Variants in UNC5D observed in about 807,000 individuals in gnomAD.
UNC5D encodes netrin receptor UNC5D.
UNC5D carries 39 observed loss-of-function variants against 105.4 expected under a neutral mutation model. The observed-to-expected ratio is 0.37, with a 90% CI of 0.29 to 0.48. The LOEUF (loss-of-function observed/expected upper bound fraction) is 0.48, where lower values mean the gene tolerates loss of function less well. Among genes scored for constraint, UNC5D ranks in the 20% least tolerant of loss-of-function variants. UNC5D has a pLI of 0.98. For missense variants in UNC5D, 991 were observed against 1,202.4 expected, an observed-to-expected ratio of 0.82 and a Z score of 2.60; for synonymous variants, 452 against 450.4, an observed-to-expected ratio of 1.00 and a Z score of -0.04.
intron 1 of UNC5D, among the ~76,000 whole-genome samples, chr8:35,447,539 G>A (rs1343639563): frequency 6.6e-6 from 1 of 152,004 alleles, no homozygotes; most frequent in Non-Finnish European, 1.5e-5. Flanking sequence ...TTCTAAGCCT[G>A]TTTCTACAAG....
At chr8:35,526,429 C>A (rs753935345) in intron 1 of UNC5D, among the ~76,000 whole-genome samples, 1 of 152,122 alleles carries the variant, frequency 6.6e-6, no homozygotes, top group Non-Finnish European at 1.5e-5. Context: ...ACCTTGAAAG[C>A]CAGGCAGATT....
chr8:35,695,132 C>G (rs1420225765), intron 7 of UNC5D, among the ~76,000 whole-genome samples: 2 of 152,132 alleles, frequency 1.3e-5, no homozygotes, highest in Non-Finnish European at 2.9e-5. Flanking sequence ...TGTCCGCTGT[C>G]AAAAAGAGTT....
intron 11 of UNC5D, among the ~76,000 whole-genome samples, chr8:35,737,599 G>A (rs1244988013): frequency 1.3e-5 from 2 of 152,172 alleles, no homozygotes; most frequent in Non-Finnish European, 2.9e-5. Context: ...GCCACAGCAT[G>A]TGACCGTAAT....
intron 2 of UNC5D, among the ~76,000 whole-genome samples, chr8:35,564,823 C>G (rs1431884476): frequency 6.6e-6 from 1 of 152,116 alleles, no homozygotes; most frequent in African/African-American, 2.4e-5. Flanking sequence ...GCTTGGCTCC[C>G]AATTATATGT....
Position 35,785,172 on chromosome 8 carries a change from G to A in UNC5D, c.2658-5187G>A, listed in dbSNP as rs144979048. Among the ~76,000 whole-genome samples the A allele has an allele frequency of 9.1e-4, 138 of 151,860 alleles. 2 individuals carry two copies. Among genetic ancestry groups the A allele is most frequent in the African/African-American group, 3.2e-3 (134 of 41,318 alleles). ...TGAATGGTGTGTGCATTTACCTGCCGGTGCCCAAATGCACCAGCATTATGA... is the reference window on the plus strand; with the variant it reads ...TGAATGGTGTGTGCATTTACCTGCCAGTGCCCAAATGCACCAGCATTATGA... On this transcript the variant is annotated intron_variant, in intron 16 of 16. Coordinates refer to ENST00000404895, the MANE Select transcript of UNC5D (RefSeq NM_080872.4).
At chr8:35,441,871 C>T (rs1395355006) in intron 1 of UNC5D, among the ~76,000 whole-genome samples, 1 of 151,620 alleles carries the variant, frequency 6.6e-6, no homozygotes, top group Non-Finnish European at 1.5e-5. Context: ...GGACAACCAA[C>T]AAGAAGCAGA....
rs112701207 is a variant in UNC5D at position 35,280,727 on chromosome 8, C to G, written c.103+44840C>G. On this transcript the variant is annotated intron_variant, in intron 1 of 16. Coordinates refer to ENST00000404895, the MANE Select transcript of UNC5D (RefSeq NM_080872.4). ...CTAGTTTACTACTGCTGCCTCTTTT[C>G]ATTTCTATTGCCACCAGTTTAGCCT... Among the ~76,000 whole-genome samples, 588 of 152,268 alleles carry G rather than the reference C, an allele frequency of 3.9e-3. 6 individuals are homozygous for G. Among genetic ancestry groups the G allele is most frequent in the African/African-American group, 0.013 (554 of 41,552 alleles).
intron 1 of UNC5D, among the ~76,000 whole-genome samples, chr8:35,391,120 G>C (rs1803745068): frequency 6.6e-6 from 1 of 152,230 alleles, no homozygotes; most frequent in Non-Finnish European, 1.5e-5. Flanking sequence ...GGCATAGGAG[G>C]AACAGTCTTG....
intron 4 of UNC5D, among the ~76,000 whole-genome samples, chr8:35,620,563 G>A (rs1821306119): frequency 6.6e-6 from 1 of 152,130 alleles, no homozygotes; most frequent in Admixed American, 6.5e-5. Context: ...TTTACCCTGT[G>A]TGCCTGTGTG....
chr8:35,293,003 T>C (rs1220128899), intron 1 of UNC5D, among the ~76,000 whole-genome samples: 2 of 152,114 alleles, frequency 1.3e-5, no homozygotes, highest in South Asian at 2.1e-4. Context: ...ATTCTTACAA[T>C]ACAGTAAGAC....
intron 1 of UNC5D, among the ~76,000 whole-genome samples, chr8:35,426,993 G>A (rs1403771759): frequency 6.6e-6 from 1 of 152,164 alleles, no homozygotes; most frequent in Non-Finnish European, 1.5e-5. Context: ...GGTGATGGAA[G>A]ATGATGAACG....
rs868478073 is a variant in UNC5D, at chr8:35,538,501, G to A, written c.104-10791G>A. On this transcript the variant is annotated intron_variant, in intron 1 of 16. Transcript: ENST00000404895. Reference sequence around the variant, plus strand: ...AGGATTAAGAATTTAAAGACAGAATGACATGTTTGAATTTGAATTTTGGAA... The same window carrying A: ...AGGATTAAGAATTTAAAGACAGAATAACATGTTTGAATTTGAATTTTGGAA... 1.2e-4 allele frequency among the ~76,000 whole-genome samples: 17 copies of A among 147,524 alleles called. No individual in the cohort carries two copies. The East Asian group carries it at 1.2e-3, about 10-fold the overall frequency.
intron 1 of UNC5D, among the ~76,000 whole-genome samples, chr8:35,439,469 C>G (rs1007165027): frequency 4.6e-5 from 7 of 151,972 alleles, no homozygotes; most frequent in African/African-American, 1.4e-4. Context: ...CCAAATCAAC[C>G]CATTCTAAGT....
intron 1 of UNC5D, among the ~76,000 whole-genome samples, chr8:35,506,906 C>G (rs938780063): frequency 6.6e-6 from 1 of 152,132 alleles, no homozygotes; most frequent in Non-Finnish European, 1.5e-5. Flanking sequence ...ACTCGAGGAG[C>G]AAATGATACC....
intron 1 of UNC5D, among the ~76,000 whole-genome samples, chr8:35,374,421 C>G (rs1026324960): frequency 2.0e-5 from 3 of 152,250 alleles, no homozygotes; most frequent in South Asian, 2.1e-4. Flanking sequence ...AAGCAGTCTC[C>G]TTAAGAGCTA....
Position 35,518,693 on chromosome 8 carries a change from T to A in UNC5D, c.104-30599T>A, listed in dbSNP as rs187516828. Among the ~76,000 whole-genome samples, 1,147 of 152,294 alleles carry A rather than the reference T, an allele frequency of 7.5e-3. 3 individuals are homozygous for A. The highest frequency in any genetic ancestry group is 0.012 in the Non-Finnish European group (826 of 68,008). Reference sequence around the variant, plus strand: ...AGAAATTTCTATAGGTCTCCAATTATTAAAAGCTTTAGGAAGAACAGTTAT... The same window carrying A: ...AGAAATTTCTATAGGTCTCCAATTAATAAAAGCTTTAGGAAGAACAGTTAT... On this transcript the variant is annotated intron_variant, in intron 1 of 16. Transcript: ENST00000404895.
At chr8:35,301,751 G>A (rs1585533602) in intron 1 of UNC5D, among the ~76,000 whole-genome samples, 1 of 152,168 alleles carries the variant, frequency 6.6e-6, no homozygotes, top group East Asian at 1.9e-4. Context: ...CAAACAAATG[G>A]CCTCCTTCTT....
chr8:35,421,810 A>G (rs574376098), intron 1 of UNC5D, among the ~76,000 whole-genome samples: 1 of 152,300 alleles, frequency 6.6e-6, no homozygotes, highest in South Asian at 2.1e-4. Flanking sequence ...GCTAGTCTAA[A>G]CTTTTCTTTA....
intron 1 of UNC5D, among the ~76,000 whole-genome samples, chr8:35,439,031 AT>A (rs199586174): frequency 0.017 from 2,586 of 148,758 alleles, 74 homozygotes; most frequent in African/African-American, 0.052. Flanking sequence ...TCATACATTG[AT>A]TTTTTTTTTT....
Sources: allele counts gnomAD v4.1 joint callset (sites outside exome capture counted in the v4.1 genomes callset), GRCh38; gene constraint gnomAD v4.1.1; transcripts MANE v1.5; gene names NCBI Gene and HGNC (gene_info 2026-07-23, HGNC 2026-07-21).